Variants in TNRC6B observed in about 807,000 individuals in gnomAD.
TNRC6B encodes trinucleotide repeat-containing gene 6B protein.
TNRC6B carries 52 observed loss-of-function variants against 203.6 expected under a neutral mutation model. The observed-to-expected ratio is 0.26, with a 90% CI of 0.20 to 0.32. TNRC6B has a LOEUF of 0.32. Ranked by LOEUF, TNRC6B falls within the 10% of genes least tolerant of loss-of-function variation. The pLI is 1.00. For synonymous variants in TNRC6B, 838 were observed against 845.7 expected (o/e 0.99, Z 0.16); for missense variants, 1,923 against 2,286.2 (o/e 0.84, Z 3.24).
chr22:40,160,296 G>C (rs865922470), intron 4 of TNRC6B, among the ~76,000 whole-genome samples: 1 of 151,976 alleles, frequency 6.6e-6, no homozygotes, highest in Non-Finnish European at 1.5e-5. Flanking sequence ...GACCAACATG[G>C]AGAAACCCCG....
At chr22:40,268,748 A>G (rs993531926) in intron 5 of TNRC6B, among the ~76,000 whole-genome samples, 2 of 151,828 alleles carry the variant, frequency 1.3e-5, no homozygotes, top group East Asian at 3.9e-4. Context: ...CGCCTCTACT[A>G]AAAAATCGAA....
At chr22:40,313,093 C>A in intron 19 of TNRC6B, 96 bp downstream of exon 19, 1 of 956,732 alleles carries the variant, frequency 1.0e-6, no homozygotes. Flanking sequence ...AAGATATACT[C>A]TTACAGAAGT....
intron 1 of TNRC6B, among the ~76,000 whole-genome samples, chr22:40,210,206 T>C (rs2069542866): frequency 6.6e-6 from 1 of 151,950 alleles, no homozygotes; most frequent in Admixed American, 6.6e-5. Flanking sequence ...AGGGTTTAAC[T>C]ATAAAACAGA....
chr22:40,277,434 A>G (rs1331569293), intron 8 of TNRC6B, among the ~76,000 whole-genome samples: 1 of 152,166 alleles, frequency 6.6e-6, no homozygotes, highest in African/African-American at 2.4e-5. Flanking sequence ...ATTGTTTCCA[A>G]CCGCATTACT....
At position 40,331,821 on chromosome 22, in the gene TNRC6B, G is replaced by T; in HGVS notation, c.*8580G>T. The T allele has an allele frequency of 2.7e-6, 1 of 369,074 alleles. No individual in the cohort carries two copies. The highest frequency in any genetic ancestry group is 3.7e-5 in the East Asian group (1 of 26,928). The allele number at this position is 369,074 out of a possible 1,614,324, so 22.9% of individuals were successfully genotyped here. On this transcript the variant is annotated 3_prime_UTR_variant, in exon 23 of 23. Transcript: ENST00000454349. ...CTTGTTCTTCAGTTTCTGTGTCCAT[G>T]GTGTCCCCGTGTCCTGGAGGGGAAG...
chr22:40,231,276 C>T (rs1360251714), intron 1 of TNRC6B, among the ~76,000 whole-genome samples: 1 of 152,112 alleles, frequency 6.6e-6, no homozygotes, highest in East Asian at 1.9e-4. Context: ...TTGTCAATTT[C>T]TACAAAAAAA....
chr22:40,191,940 G>C (rs548482143), intron 1 of TNRC6B, among the ~76,000 whole-genome samples: 2 of 152,230 alleles, frequency 1.3e-5, no homozygotes, highest in Non-Finnish European at 2.9e-5. Flanking sequence ...TAGTAGAGAC[G>C]GGGTTTCGCC....
At chr22:40,305,489 T>C (rs2071077322) in intron 15 of TNRC6B, among the ~76,000 whole-genome samples, 1 of 152,218 alleles carries the variant, frequency 6.6e-6, no homozygotes, top group African/African-American at 2.4e-5. Context: ...GCACCATCTC[T>C]TCTTTGTTAG....
rs1158047945 is a variant in TNRC6B at position 40,285,780 on chromosome 22, T to C, written c.3708+10T>C. The C allele has an allele frequency of 2.5e-6, 4 of 1,612,196 alleles. No homozygotes were observed. The highest frequency in any genetic ancestry group is 1.7e-5 in the Admixed American group (1 of 59,564). On this transcript the variant is annotated intron_variant, in intron 12 of 22. Coordinates refer to ENST00000454349, the MANE Select transcript of TNRC6B (RefSeq NM_001162501.2). ...GTTTATTTCCCCCCAGGTAAGCAAT[T>C]TTACGTTCCTGTGATTCAAAATGAA...
At chr22:40,206,882 C>T (rs568530865) in intron 1 of TNRC6B, among the ~76,000 whole-genome samples, 3 of 152,248 alleles carry the variant, frequency 2.0e-5, no homozygotes, top group South Asian at 2.1e-4. Flanking sequence ...ATATGGATTG[C>T]GTTAGTCTCT....
intron 12 of TNRC6B, among the ~76,000 whole-genome samples, chr22:40,288,303 G>A (rs2070815510): frequency 1.3e-5 from 2 of 152,206 alleles, no homozygotes; most frequent in South Asian, 2.1e-4. Context: ...GTGGCTTTGG[G>A]ACTTAGTCAC....
intron 1 of TNRC6B, among the ~76,000 whole-genome samples, chr22:40,209,283 C>A (rs1345386203): frequency 6.6e-6 from 1 of 152,054 alleles, no homozygotes; most frequent in Non-Finnish European, 1.5e-5. Flanking sequence ...TACCAATATC[C>A]ATTTAGTTAA....
At chr22:40,072,955 T>C (rs1473260694) in intron 1 of TNRC6B, among the ~76,000 whole-genome samples, 2 of 151,758 alleles carry the variant, frequency 1.3e-5, no homozygotes, top group African/African-American at 4.8e-5. Context: ...GAAATCACTT[T>C]TGCTTGTCAT....
At chr22:40,316,592 C>T (rs2071262564) in intron 21 of TNRC6B, among the ~76,000 whole-genome samples, 1 of 152,092 alleles carries the variant, frequency 6.6e-6, no homozygotes, top group African/African-American at 2.4e-5. Context: ...CATTGCATTG[C>T]ACTCCAGGTT....
At chr22:40,210,017 CAAA>C (rs34603156) in intron 1 of TNRC6B, among the ~76,000 whole-genome samples, 5 of 132,798 alleles carry the variant, frequency 3.8e-5, no homozygotes, top group Admixed American at 7.6e-5. Flanking sequence ...GACTCTGTCT[CAAA>C]AAAAAAAAAA....
Position 40,264,816 on chromosome 22 carries a change from G to A in TNRC6B, c.586G>A (p.Asp196Asn). 1 of 1,614,000 alleles carries A rather than the reference G, an allele frequency of 6.2e-7. No individual in the cohort carries two copies. Among genetic ancestry groups the A allele is most frequent in the Non-Finnish European group, 8.5e-7 (1 of 1,179,906 alleles). ...IWDKVIVDGS[D>N]MEEWPCIASK... ...GGACAAGGTGATTGTAGACGGGTCT[G>A]ACATGGAAGAGTGGCCTTGTATTGC... is the stretch of plus-strand genomic sequence containing the variant. The change falls in exon 5 of 23, where the codon GAC becomes AAC. Residue 196 changes from aspartate to asparagine, a missense_variant. Transcript: ENST00000454349.
At chr22:40,079,941 G>A (rs1177503138) in intron 1 of TNRC6B, among the ~76,000 whole-genome samples, 3 of 151,914 alleles carry the variant, frequency 2.0e-5, no homozygotes, top group African/African-American at 4.8e-5. Context: ...GACTACAGGC[G>A]CCTGCCACCA....
Position 40,321,194 on chromosome 22 carries a change from A to G in TNRC6B, c.5079A>G (p.Lys1693=), listed in dbSNP as rs2071329163. The G allele has an allele frequency of 6.2e-7, 1 of 1,613,818 alleles. No homozygotes were observed. Among genetic ancestry groups the G allele is most frequent in the Admixed American group, 1.7e-5 (1 of 60,000 alleles). The change falls in exon 22 of 23, where the codon AAA becomes AAG. Residue 1693 remains lysine (K), a synonymous_variant. Transcript: ENST00000454349. ...CTGCCCTGATCCGATACAGCACCAA[A>G]CAGGAGGCGGCCAAGGCCCAAACTG... ...QGTALIRYST[K]QEAAKAQTAL... is the part of the protein sequence containing the mutation.
intron 1 of TNRC6B, among the ~76,000 whole-genome samples, chr22:40,184,709 C>T (rs2045917817): frequency 1.3e-5 from 2 of 152,110 alleles, no homozygotes; most frequent in African/African-American, 4.8e-5. Context: ...GAATGAGTTC[C>T]AGAGGCATTT....
Sources: allele counts gnomAD v4.1 joint callset (sites outside exome capture counted in the v4.1 genomes callset), GRCh38; gene constraint gnomAD v4.1.1; transcripts MANE v1.5; gene names NCBI Gene and HGNC (gene_info 2026-07-23, HGNC 2026-07-21).